CMIP: variants seen among roughly 807,000 people sequenced by gnomAD.
CMIP encodes c-Maf inducing protein.
A neutral mutation model predicts 97.3 loss-of-function variants in CMIP; 13 were observed. The observed-to-expected ratio is 0.13, with a 90% CI of 0.09 to 0.21. The LOEUF is 0.21. Among genes scored for constraint, CMIP ranks in the 10% least tolerant of loss-of-function variants. The pLI is 1.00. For synonymous variants in CMIP, 538 were observed against 436.3 expected, an observed-to-expected ratio of 1.23 and a Z score of -2.91; for missense variants, 847 against 1,024.9, an observed-to-expected ratio of 0.83 and a Z score of 2.37.
intron 5 of CMIP, among the ~76,000 whole-genome samples, chr16:81,660,599 TG>T (rs2092534517): frequency 6.6e-6 from 1 of 152,190 alleles, no homozygotes; most frequent in Admixed American, 6.5e-5. Context: ...TTCATGAGTA[TG>T]AGTATGTTTT....
At chr16:81,521,537 GCT>G (rs2090027989) in intron 1 of CMIP, among the ~76,000 whole-genome samples, 2 of 152,156 alleles carry the variant, frequency 1.3e-5, no homozygotes, top group South Asian at 4.1e-4. Flanking sequence ...AGAGGAGGGG[GCT>G]GAGTGTCTCT....
chr16:81,607,343 C>T (rs986868524), intron 1 of CMIP, among the ~76,000 whole-genome samples: 16 of 152,218 alleles, frequency 1.1e-4, no homozygotes, highest in African/African-American at 3.9e-4. Context: ...TAACTCTGCA[C>T]CTCCAAACGT....
At chr16:81,535,619 A>G (rs1190557688) in intron 1 of CMIP, among the ~76,000 whole-genome samples, 1 of 152,122 alleles carries the variant, frequency 6.6e-6, no homozygotes, top group Non-Finnish European at 1.5e-5. Context: ...TTAATCTATT[A>G]GTAATAATAC....
intron 7 of CMIP, chr16:81,664,733 G>A (rs1197142113): frequency 5.0e-6 from 2 of 403,836 alleles, no homozygotes; most frequent in Non-Finnish European, 8.7e-6. Flanking sequence ...CTGTATGGAA[G>A]GGGGCAGGAG....
intron 1 of CMIP, among the ~76,000 whole-genome samples, chr16:81,578,527 A>G (rs28619178): frequency 0.068 from 10,404 of 152,150 alleles, 719 homozygotes; most frequent in African/African-American, 0.17. Flanking sequence ...CTTCTCCAAA[A>G]ACGATCTCAT....
At chr16:81,524,357 C>CAG (rs774761331) in intron 1 of CMIP, among the ~76,000 whole-genome samples, 31 of 152,202 alleles carry the variant, frequency 2.0e-4, no homozygotes, top group Non-Finnish European at 4.0e-4. Context: ...CTACAAGTGA[C>CAG]AGAGAGATAC....
chr16:81,709,717 G>A lies in CMIP; in HGVS notation c.2269-29G>A, dbSNP rs753738466. ...GCTTCTGCAAGGGAATGGCCTACACGTGACAAGGACTCTTATTGCCACCCC... is the reference window on the plus strand; with the variant it reads ...GCTTCTGCAAGGGAATGGCCTACACATGACAAGGACTCTTATTGCCACCCC... On this transcript the variant is annotated intron_variant, in intron 20 of 20. Coordinates refer to ENST00000537098, the MANE Select transcript of CMIP (RefSeq NM_198390.3). 50 of 1,613,338 alleles carry A rather than the reference G, an allele frequency of 3.1e-5. No individual in the cohort carries two copies. The African/African-American group carries it at 4.3e-4, about 14-fold the overall frequency.
At chr16:81,615,387 GGT>G (rs1008395514) in intron 2 of CMIP, among the ~76,000 whole-genome samples, 15 of 144,504 alleles carry the variant, frequency 1.0e-4, no homozygotes, top group African/African-American at 3.1e-4. Context: ...GTGTGTGTAT[GGT>G]GTGTGTGTGG....
In CMIP at chr16:81,640,923, A is replaced by G. The variant is rs563950112; in HGVS notation, c.478-11280A>G. Among the ~76,000 whole-genome samples the G allele has an allele frequency of 9.2e-5, 14 of 152,194 alleles. No individual in the cohort carries two copies. In the South Asian group the frequency reaches 2.5e-3, roughly 27 times the overall value. On this transcript the variant is annotated intron_variant, in intron 3 of 20. Transcript: ENST00000537098. Reference sequence around the variant, plus strand: ...CACAGATACCGGGCTTAGGACTTGGACATATGTTTTGGGCAGACACAGTCC... The same window carrying G: ...CACAGATACCGGGCTTAGGACTTGGGCATATGTTTTGGGCAGACACAGTCC...
At chr16:81,615,046 CTGTG>C (rs1405258624) in intron 2 of CMIP, among the ~76,000 whole-genome samples, 1 of 119,882 alleles carries the variant, frequency 8.3e-6, no homozygotes, top group African/African-American at 3.2e-5. Flanking sequence ...GCATGTGTAT[CTGTG>C]TGTCTGTGTG....
intron 1 of CMIP, among the ~76,000 whole-genome samples, chr16:81,471,058 C>G (rs112119949): frequency 6.6e-6 from 1 of 152,076 alleles, no homozygotes; most frequent in African/African-American, 2.4e-5. Flanking sequence ...AGGCACAATG[C>G]GTGCATACAA....
intron 1 of CMIP, among the ~76,000 whole-genome samples, chr16:81,470,568 G>A (rs578187609): frequency 2.0e-4 from 30 of 152,338 alleles, no homozygotes; most frequent in Non-Finnish European, 3.7e-4. Flanking sequence ...AGTCCACCAC[G>A]AAGGTGGAGT....
chr16:81,509,141 G>A (rs1442628691), intron 1 of CMIP, among the ~76,000 whole-genome samples: 1 of 152,202 alleles, frequency 6.6e-6, no homozygotes, highest in Non-Finnish European at 1.5e-5. Flanking sequence ...GATTCATTCA[G>A]GTGTCTGCAG....
chr16:81,703,989 G>T lies in CMIP; in HGVS notation c.1995G>T (p.Glu665Asp). Residue 665 changes from glutamate (E) to aspartate (D), a missense_variant, in exon 18 of 21, where the codon GAG becomes GAT. This residue lies in a region of CMIP where 266 missense variants were observed against 384.2 expected (regional missense o/e 0.69). Transcript: ENST00000537098. ...GCTCCGGCTCCTTCGGAAACCTGGA[G>T]AACCTCAGTTTGGCCTTCACCAATG... Reference protein sequence around the residue: ...LLSSGSFGNLENLSLAFTNVT... With the variant: ...LLSSGSFGNLDNLSLAFTNVT... 6.2e-7 allele frequency: 1 copy of T among 1,602,078 alleles called. No homozygotes were observed. The highest frequency in any genetic ancestry group is 8.5e-7 in the Non-Finnish European group (1 of 1,175,232).
intron 2 of CMIP, chr16:81,610,406 G>A (rs985321419): frequency 6.1e-6 from 6 of 985,808 alleles, no homozygotes; most frequent in Non-Finnish European, 7.2e-6. Context: ...TCAGAGGCAG[G>A]AGCAGGAGAG....
Position 81,705,742 on chromosome 16 carries a change from A to G in CMIP, c.2197+138A>G, listed in dbSNP as rs990284934. On this transcript the variant is annotated intron_variant, in intron 19 of 20. Coordinates refer to ENST00000537098, the MANE Select transcript of CMIP (RefSeq NM_198390.3). Reference sequence around the variant, plus strand: ...GTTCATTCACAAACGTGTTCACTGCACACCTGCTGTGGACCAGGCACCATT... The same window carrying G: ...GTTCATTCACAAACGTGTTCACTGCGCACCTGCTGTGGACCAGGCACCATT... 3 of 605,790 alleles carry G rather than the reference A, an allele frequency of 5.0e-6. No homozygotes were observed. The African/African-American group carries it at 5.5e-5, about 11-fold the overall frequency. 37.5% of individuals were successfully genotyped at this position (605,790 alleles called of 1,614,324 possible). A position where few individuals can be genotyped will look rare whatever the true frequency, so the allele number is the denominator to read the frequency against.
intron 1 of CMIP, among the ~76,000 whole-genome samples, chr16:81,557,365 A>G (rs1806770071): frequency 6.6e-6 from 1 of 152,104 alleles, no homozygotes; most frequent in South Asian, 2.1e-4. Flanking sequence ...GGTTGAATTC[A>G]CTCATGTTGG....
chr16:81,480,815 G>C (rs1908213721), intron 1 of CMIP, among the ~76,000 whole-genome samples: 1 of 152,216 alleles, frequency 6.6e-6, no homozygotes, highest in African/African-American at 2.4e-5. Flanking sequence ...TGTTGGGAAA[G>C]GACGGGGGTG....
chr16:81,620,727 G>A, intron 2 of CMIP, 149 bp from the exon 3 acceptor site: 1 of 901,206 alleles, frequency 1.1e-6, no homozygotes, highest in Non-Finnish European at 1.7e-6. Context: ...AACAGGCTCA[G>A]CTTAGCATAT....
Sources: allele counts gnomAD v4.1 joint callset (sites outside exome capture counted in the v4.1 genomes callset), GRCh38; gene constraint gnomAD v4.1.1; regional missense constraint gnomAD v4.1.1; transcripts MANE v1.5; gene names NCBI Gene and HGNC (gene_info 2026-07-23, HGNC 2026-07-21).